Variants in MALT1 observed in about 807,000 individuals in gnomAD.
MALT1 encodes MALT1 paracaspase, also known as mucosa-associated lymphoid tissue lymphoma translocation protein 1.
MALT1 carries 36 observed loss-of-function variants against 85.5 expected under a neutral mutation model. That is an observed-to-expected ratio of 0.42 (90% CI 0.32 to 0.56). The LOEUF is 0.56. MALT1 is among the 20% of genes least tolerant of loss of function. MALT1 has a pLI of 0.10. For synonymous variants in MALT1, 359 were observed against 361.3 expected (o/e 0.99, Z 0.07); for missense variants, 716 against 981.6 (o/e 0.73, Z 3.62).
At chr18:58,713,163 C>G (rs978640788) in intron 7 of MALT1, among the ~76,000 whole-genome samples, 6 of 151,974 alleles carry the variant, frequency 3.9e-5, no homozygotes, top group Non-Finnish European at 7.4e-5. Context: ...TTTTATGTAA[C>G]ATATAAGAAT....
chr18:58,693,938 G>T (rs1373035828), intron 2 of MALT1, among the ~76,000 whole-genome samples: 2 of 152,204 alleles, frequency 1.3e-5, no homozygotes, highest in Non-Finnish European at 2.9e-5. Context: ...TGGGAAATCA[G>T]AATCTTTGTA....
At chr18:58,687,908 A>G (rs1318826999) in intron 2 of MALT1, among the ~76,000 whole-genome samples, 1 of 152,224 alleles carries the variant, frequency 6.6e-6, no homozygotes, top group Non-Finnish European at 1.5e-5. Flanking sequence ...ACCTAGTCAC[A>G]TTCTCCCAGG....
At position 58,710,090 on chromosome 18, in the gene MALT1, A is replaced by G. The variant is rs535568097; in HGVS notation, c.925+18A>G. On this transcript the variant is annotated intron_variant, in intron 6 of 16. Transcript: ENST00000649217. Reference sequence around the variant, plus strand: ...CATCATAGGTAAGAAGTATTTCCCCAGTGTTCTGACAAGTGGACTATAATA... The same window carrying G: ...CATCATAGGTAAGAAGTATTTCCCCGGTGTTCTGACAAGTGGACTATAATA... 7.3e-6 allele frequency: 11 copies of G among 1,506,652 alleles called. No homozygotes were observed. In the Admixed American group the frequency reaches 8.5e-5, roughly 12 times the overall value. The allele number at this position is 1,506,652 out of a possible 1,614,324, so 93.3% of individuals were successfully genotyped here. A position where few individuals can be genotyped will look rare whatever the true frequency, so the allele number is the denominator to read the frequency against.
intron 13 of MALT1, among the ~76,000 whole-genome samples, chr18:58,739,229 G>A (rs2055267991): frequency 6.6e-6 from 1 of 151,990 alleles, no homozygotes; most frequent in African/African-American, 2.4e-5. Context: ...CCATCATTCT[G>A]TTTAGAATTT....
At chr18:58,732,924 A>ATTTT (rs1389786233) in intron 10 of MALT1, among the ~76,000 whole-genome samples, 3 of 151,612 alleles carry the variant, frequency 2.0e-5, no homozygotes, top group Non-Finnish European at 2.9e-5. Context: ...TTATTTATTT[A>ATTTT]TTTTGAGACA....
chr18:58,747,607 C>T lies in MALT1; in HGVS notation c.2240C>T (p.Ala747Val), dbSNP rs746214473. The T allele has an allele frequency of 7.4e-6, 12 of 1,614,192 alleles. No individual in the cohort carries two copies. The highest frequency in any genetic ancestry group is 8.5e-6 in the Non-Finnish European group (10 of 1,180,034). ...YQSSAATSGG[A>V]GHYHSLQDPF... ...AGTTCTGCAGCCACCTCAGGAGGAG[C>T]AGGGCATTATCACTCATTGCAAGAC... Residue 747 changes from alanine to valine, a missense_variant, in exon 17 of 17, where the codon GCA becomes GTA. By Grantham distance (64) the Ala-to-Val change is moderately conservative (BLOSUM62 0). Transcript: ENST00000649217.
intron 2 of MALT1, 111 bp downstream of exon 2, chr18:58,681,447 G>T: frequency 3.2e-6 from 3 of 952,030 alleles, no homozygotes; most frequent in Non-Finnish European, 4.5e-6. Context: ...AAATGTAAAT[G>T]TGTAGTGCCT....
intron 14 of MALT1, among the ~76,000 whole-genome samples, chr18:58,743,818 T>G (rs1346434410): frequency 6.6e-6 from 1 of 152,218 alleles, no homozygotes; most frequent in East Asian, 1.9e-4. Context: ...TTTGGACATG[T>G]TATGCTGAAA....
intron 10 of MALT1, among the ~76,000 whole-genome samples, chr18:58,725,632 A>G (rs1427382137): frequency 1.3e-5 from 2 of 152,204 alleles, no homozygotes; most frequent in Non-Finnish European, 2.9e-5. Flanking sequence ...AATATTGATC[A>G]GTTTAGGTTT....
Position 58,702,357 on chromosome 18 carries a change from C to G in MALT1, c.649+1766C>G, listed in dbSNP as rs151108253. On this transcript the variant is annotated intron_variant, in intron 4 of 16. Coordinates refer to ENST00000649217, the MANE Select transcript of MALT1 (RefSeq NM_006785.4). ...TGGGATCACACCAGTGCACTCCAGC[C>G]TAGGTGACATAGCAAGACCCTATCT... Among the ~76,000 whole-genome samples the G allele has an allele frequency of 2.3e-3, 343 of 152,192 alleles. 3 individuals are homozygous for G. Among genetic ancestry groups the G allele is most frequent in the South Asian group, 0.014 (66 of 4,816 alleles).
At chr18:58,746,662 G>A (rs180689872) in intron 16 of MALT1, among the ~76,000 whole-genome samples, 15 of 151,972 alleles carry the variant, frequency 9.9e-5, no homozygotes, top group South Asian at 4.2e-4. Flanking sequence ...TTCCACCTAC[G>A]ATTATGGATT....
intron 4 of MALT1, among the ~76,000 whole-genome samples, chr18:58,701,309 G>A (rs1052660123): frequency 3.3e-5 from 5 of 152,082 alleles, no homozygotes; most frequent in African/African-American, 9.6e-5. Flanking sequence ...CCATGGTCTC[G>A]AAATGTCTTG....
chr18:58,675,431 A>T (rs549830115), intron 1 of MALT1: 4 of 152,354 alleles, frequency 2.6e-5, no homozygotes, highest in Non-Finnish European at 5.9e-5. Flanking sequence ...CCTGGGAAAC[A>T]TACTGAGACC....
intron 9 of MALT1, among the ~76,000 whole-genome samples, chr18:58,716,625 G>A (rs2054903897): frequency 6.6e-6 from 1 of 152,096 alleles, no homozygotes; most frequent in Non-Finnish European, 1.5e-5. Context: ...AGTTATGCTG[G>A]GAATTTAAAC....
intron 4 of MALT1, among the ~76,000 whole-genome samples, chr18:58,706,964 G>A (rs922977454): frequency 3.3e-5 from 5 of 151,778 alleles, no homozygotes; most frequent in Non-Finnish European, 7.4e-5. Context: ...TTCTTTCTGG[G>A]ACTCTTAATT....
At chr18:58,725,858 C>T (rs2055047851) in intron 10 of MALT1, among the ~76,000 whole-genome samples, 1 of 152,024 alleles carries the variant, frequency 6.6e-6, no homozygotes, top group Admixed American at 6.6e-5. Context: ...GTCAGGAGTT[C>T]GAGACCAGCC....
intron 2 of MALT1, among the ~76,000 whole-genome samples, chr18:58,682,147 T>C (rs1487718069): frequency 6.6e-6 from 1 of 152,210 alleles, no homozygotes; most frequent in African/African-American, 2.4e-5. Context: ...CTATTTTACG[T>C]GGTTTTGATG....
chr18:58,744,477 C>T lies in MALT1; in HGVS notation c.1893C>T (p.Tyr631=), dbSNP rs141271271. 6.4e-5 allele frequency: 103 copies of T among 1,599,090 alleles called. No individual in the cohort carries two copies. The Middle Eastern group carries it at 1.7e-3, about 26-fold the overall frequency. The change falls in exon 15 of 17, where the codon TAC becomes TAT. Residue 631 remains tyrosine, a synonymous_variant. Coordinates refer to ENST00000649217, the MANE Select transcript of MALT1 (RefSeq NM_006785.4). The stretch of plus-strand genomic sequence containing the variant: ...CGGAGATAATAATGTGTGATGCCTA[C>T]GTTACTGATTTTCCACTTGTGAGTC... ...KPPEIIMCDA[Y]VTDFPLDLDI...
chr18:58,672,239 G>A (rs780851747), intron 1 of MALT1: 49 of 170,200 alleles, frequency 2.9e-4, no homozygotes, highest in Non-Finnish European at 5.4e-4. Context: ...AAGGGATGTG[G>A]ACACTGCTCT....
Sources: allele counts gnomAD v4.1 joint callset (sites outside exome capture counted in the v4.1 genomes callset), GRCh38; gene constraint gnomAD v4.1.1; transcripts MANE v1.5; gene names NCBI Gene and HGNC (gene_info 2026-07-23, HGNC 2026-07-21).